Variants in LRP2 observed in about 807,000 individuals in gnomAD.
The protein encoded by LRP2 is low-density lipoprotein receptor-related protein 2.
Under a neutral mutation model 531.0 loss-of-function variants are expected in LRP2, and 172 were observed. That is an observed-to-expected ratio of 0.32 (90% CI 0.29 to 0.37). The LOEUF is 0.37. LRP2 is among the 10% of genes least tolerant of loss of function. LRP2 has a pLI of 1.00. For missense variants in LRP2, 5,167 were observed against 5,868.3 expected (o/e 0.88, Z 3.90); for synonymous variants, 1,992 against 2,027.6 (o/e 0.98, Z 0.47).
At chr2:169,285,859 T>C (rs1236219154) in intron 9 of LRP2, among the ~76,000 whole-genome samples, 1 of 152,190 alleles carries the variant, frequency 6.6e-6, no homozygotes, top group African/African-American at 2.4e-5. Context: ...GATTATTCAA[T>C]GTTATTCTTG....
Position 169,228,745 on chromosome 2 carries a change from G to A in LRP2, c.5228-2157C>T, listed in dbSNP as rs1302466849. On this transcript the variant is annotated intron_variant, in intron 31 of 78. Coordinates refer to ENST00000649046, the MANE Select transcript of LRP2 (RefSeq NM_004525.3). ...GAACATTTGCAAGCAATGGACCAGAGAACAGGATCTCCTGCAATGCTGCGC... is the reference window on the plus strand; with the variant it reads ...GAACATTTGCAAGCAATGGACCAGAAAACAGGATCTCCTGCAATGCTGCGC... Among the ~76,000 whole-genome samples the A allele has an allele frequency of 3.3e-5, 5 of 152,200 alleles. No individual in the cohort carries two copies. In the East Asian group the frequency reaches 7.7e-4, roughly 23 times the overall value.
At chr2:169,175,498 C>T (rs918056717) in intron 54 of LRP2, 109 bp from the exon 55 acceptor site, 59 of 985,354 alleles carry the variant, frequency 6.0e-5, no homozygotes, top group African/African-American at 8.0e-5. Flanking sequence ...TGAGCTCTCT[C>T]GTGGCCCTAG....
At chr2:169,358,793 G>C (rs917753277) in intron 1 of LRP2, among the ~76,000 whole-genome samples, 1 of 150,256 alleles carries the variant, frequency 6.7e-6, no homozygotes, top group African/African-American at 2.5e-5. Context: ...AAGAGTTCAA[G>C]ACCAGCCTGG....
rs148694234 is a variant in LRP2, at chr2:169,138,975, G to A, written c.13389-269C>T. 5.6e-3 allele frequency among the ~76,000 whole-genome samples: 850 copies of A among 152,282 alleles called. 13 individuals are homozygous for A. The highest frequency in any genetic ancestry group is 0.02 in the African/African-American group (815 of 41,548). On this transcript the variant is annotated intron_variant, in intron 74 of 78. Transcript: ENST00000649046. Reference sequence around the variant, plus strand: ...AGGATAAAGCCTGGGCCATCACACAGCTGCCTTTTCACTCCTCTCTGACCT... The same window carrying A: ...AGGATAAAGCCTGGGCCATCACACAACTGCCTTTTCACTCCTCTCTGACCT...
intron 1 of LRP2, among the ~76,000 whole-genome samples, chr2:169,335,564 C>T (rs1409269486): frequency 6.6e-6 from 1 of 152,172 alleles, no homozygotes; most frequent in African/African-American, 2.4e-5. Context: ...CCTGTAACCC[C>T]AGCACTTTGG....
intron 53 of LRP2, 96 bp downstream of exon 53, chr2:169,177,707 A>G: frequency 9.2e-7 from 1 of 1,088,660 alleles, no homozygotes; most frequent in Non-Finnish European, 1.4e-6. Context: ...CAAGTGCAAC[A>G]AACTTTTTGT....
chr2:169,242,035 T>G (rs1689825707), intron 24 of LRP2, among the ~76,000 whole-genome samples: 1 of 152,256 alleles, frequency 6.6e-6, no homozygotes, highest in South Asian at 2.1e-4. Context: ...CAGAATTTTA[T>G]GTTTTTAATG....
intron 1 of LRP2, among the ~76,000 whole-genome samples, chr2:169,326,218 T>C (rs1685053955): frequency 1.4e-5 from 1 of 73,642 alleles, no homozygotes. Flanking sequence ...CCCCTCTCCC[T>C]CTCGGTCTCC....
At chr2:169,315,959 C>CAAAAAA (rs536458606) in intron 3 of LRP2, among the ~76,000 whole-genome samples, 133 of 73,676 alleles carry the variant, frequency 1.8e-3, no homozygotes, top group Non-Finnish European at 2.5e-3. Flanking sequence ...CCCATCTCTA[C>CAAAAAA]AAAAAAAAAA....
At chr2:169,257,316 A>G in intron 17 of LRP2, 67 bp from the exon 18 acceptor site, 1 of 1,522,794 alleles carries the variant, frequency 6.6e-7, no homozygotes, top group South Asian at 1.1e-5. Flanking sequence ...CCAGAGATTT[A>G]GAACAAACAG....
chr2:169,242,921 C>T lies in LRP2; in HGVS notation c.3667+35G>A, dbSNP rs1463210279. 4 of 1,493,136 alleles carry T rather than the reference C, an allele frequency of 2.7e-6. No homozygotes were observed. In the East Asian group the frequency reaches 9.0e-5, roughly 34 times the overall value. 92.5% of individuals were successfully genotyped at this position (1,493,136 alleles called of 1,614,324 possible). On this transcript the variant is annotated intron_variant, in intron 24 of 78. Transcript: ENST00000649046. ...AATACTGGCAAAAATGAAATGACCC[C>T]TTTGTCTGAAACATTCTGGGTATGT... is the stretch of plus-strand genomic sequence containing the variant.
chr2:169,139,326 C>A lies in LRP2; in HGVS notation c.13313G>T (p.Gly4438Val), dbSNP rs1685635361. Residue 4438 changes from glycine to valine, a missense_variant, in exon 74 of 79, where the codon GGA becomes GTA. Transcript: ENST00000649046. ...GAAGAATCCTGCAATTGCCAGAGCT[C>A]CAATTACGACGATCAAGAGGATTGT... is the stretch of plus-strand genomic sequence containing the variant. ...LLTILLIVVI[G>V]ALAIAGFFHY... 6.2e-7 allele frequency: 1 copy of A among 1,614,132 alleles called. No homozygotes were observed. The highest frequency in any genetic ancestry group is 8.5e-7 in the Non-Finnish European group (1 of 1,180,014).
chr2:169,334,508 C>T (rs188184234), intron 1 of LRP2, among the ~76,000 whole-genome samples: 135 of 152,152 alleles, frequency 8.9e-4, no homozygotes, highest in Middle Eastern at 6.8e-3. Context: ...AACATGGATC[C>T]ATAGGCATTA....
chr2:169,294,248 C>T lies in LRP2; in HGVS notation c.552G>A (p.Leu184=). 6.2e-7 allele frequency: 1 copy of T among 1,601,912 alleles called. No individual in the cohort carries two copies. The highest frequency in any genetic ancestry group is 8.6e-7 in the Non-Finnish European group (1 of 1,169,026). Residue 184 remains leucine (L), a synonymous_variant, in exon 6 of 79, where the codon TTG becomes TTA. Coordinates refer to ENST00000649046, the MANE Select transcript of LRP2 (RefSeq NM_004525.3). ...CATTGCCACATGAAAACTCATTGTG[C>T]AAGCATATCTCAGCTGCAACAGAAA... ...SDEINCTEIC[L]HNEFSCGNGE...
At chr2:169,222,786 C>T (rs1488064401) in intron 33 of LRP2, among the ~76,000 whole-genome samples, 1 of 152,146 alleles carries the variant, frequency 6.6e-6, no homozygotes, top group African/African-American at 2.4e-5. Flanking sequence ...GTGCTGTACT[C>T]ACATATTCTC....
intron 59 of LRP2, 135 bp downstream of exon 59, chr2:169,170,416 C>G: frequency 3.9e-6 from 3 of 766,796 alleles, no homozygotes; most frequent in Non-Finnish European, 4.8e-6. Context: ...GCAGAAGATA[C>G]TGTGTTATGC....
intron 38 of LRP2, among the ~76,000 whole-genome samples, chr2:169,208,018 A>G (rs1688457393): frequency 6.6e-6 from 1 of 152,052 alleles, no homozygotes; most frequent in Non-Finnish European, 1.5e-5. Flanking sequence ...TTACTGATAC[A>G]TTTTTTCATT....
chr2:169,140,781 G>A (rs763724731), intron 71 of LRP2, among the ~76,000 whole-genome samples: 75 of 152,214 alleles, frequency 4.9e-4, no homozygotes, highest in Non-Finnish European at 9.7e-4. Context: ...AAACAATGGA[G>A]AGGTACTAGA....
chr2:169,280,650 C>T (rs1274141814), intron 10 of LRP2, 131 bp from the exon 11 acceptor site: 2 of 911,702 alleles, frequency 2.2e-6, no homozygotes, highest in African/African-American at 1.6e-5. Context: ...TTAACATAAA[C>T]CTCTGAGGCA....
Sources: allele counts gnomAD v4.1 joint callset (sites outside exome capture counted in the v4.1 genomes callset), GRCh38; gene constraint gnomAD v4.1.1; transcripts MANE v1.5; gene names NCBI Gene and HGNC (gene_info 2026-07-23, HGNC 2026-07-21).